NAPEPLD: variants seen among roughly 807,000 people sequenced by gnomAD.
NAPEPLD encodes the protein N-acyl phosphatidylethanolamine phospholipase D.
In NAPEPLD, 23 loss-of-function variants were observed where a neutral mutation model predicts 38.1. The ratio of observed to expected loss-of-function variants is 0.60; its 90% CI spans 0.43 to 0.86. The LOEUF is 0.86. Among genes scored for constraint, NAPEPLD ranks in the 40% least tolerant of loss-of-function variants. The pLI, the probability that NAPEPLD is intolerant of heterozygous loss-of-function variation, is 0.00. For missense variants in NAPEPLD, 411 were observed against 476.8 expected, an observed-to-expected ratio of 0.86 and a Z score of 1.28; for synonymous variants, 147 against 162.0, an observed-to-expected ratio of 0.91 and a Z score of 0.71.
At chr7:103,123,016 C>T (rs976405226) in intron 2 of NAPEPLD, among the ~76,000 whole-genome samples, 3 of 152,242 alleles carry the variant, frequency 2.0e-5, no homozygotes, top group African/African-American at 7.2e-5. Flanking sequence ...GCGTTTCATG[C>T]TCCTCTTCCA....
intron 3 of NAPEPLD, among the ~76,000 whole-genome samples, chr7:103,116,682 C>T (rs2129528294): frequency 6.6e-6 from 1 of 152,262 alleles, no homozygotes; most frequent in East Asian, 1.9e-4. Context: ...GAAGATCAGA[C>T]TAATGGGTAA....
chr7:103,123,094 G>A (rs1277923715), intron 2 of NAPEPLD, among the ~76,000 whole-genome samples: 2 of 152,076 alleles, frequency 1.3e-5, no homozygotes, highest in Non-Finnish European at 2.9e-5. Flanking sequence ...AACCCTGCAC[G>A]GTACTCATCC....
At chr7:103,130,916 C>T (rs1255754519) in intron 1 of NAPEPLD, among the ~76,000 whole-genome samples, 1 of 152,072 alleles carries the variant, frequency 6.6e-6, no homozygotes, top group Non-Finnish European at 1.5e-5. Context: ...AAAGTGGTCT[C>T]GGAGAGTAAG....
intron 1 of NAPEPLD, chr7:103,148,037 T>G: frequency 1.0e-6 from 1 of 983,360 alleles, no homozygotes; most frequent in African/African-American, 1.7e-5. Flanking sequence ...GGTAATCTTC[T>G]TTTTAAAGAT....
chr7:103,127,688 G>C (rs768351556), intron 2 of NAPEPLD: 4 of 152,066 alleles, frequency 2.6e-5, no homozygotes, highest in Non-Finnish European at 4.4e-5. Context: ...AGGAGGCAGG[G>C]AAATAATTGT....
intron 1 of NAPEPLD, among the ~76,000 whole-genome samples, chr7:103,145,747 C>G (rs1395032611): frequency 5.3e-5 from 8 of 152,140 alleles, no homozygotes. Flanking sequence ...GATGATGGAG[C>G]CTGGACTACG....
intron 1 of NAPEPLD, among the ~76,000 whole-genome samples, chr7:103,132,603 AAAT>A (rs1809171536): frequency 6.6e-6 from 1 of 151,694 alleles, no homozygotes; most frequent in African/African-American, 2.4e-5. Context: ...TTAGGGGTAA[AAAT>A]AAATAAATAA....
At position 103,133,086 on chromosome 7, in the gene NAPEPLD, C is replaced by T. The variant is rs1809306047; in HGVS notation, c.-16-4294G>A. ...GATACAAACAAAACGAAAAAACCTCCAAAGGGTTTTTTGAGGGCAAAGGTC... is the reference window on the plus strand; with the variant it reads ...GATACAAACAAAACGAAAAAACCTCTAAAGGGTTTTTTGAGGGCAAAGGTC... On this transcript the variant is annotated intron_variant, in intron 1 of 4. Transcript: ENST00000465647. 2.0e-5 allele frequency among the ~76,000 whole-genome samples: 3 copies of T among 152,088 alleles called. No individual in the cohort carries two copies. In the South Asian group the frequency reaches 6.2e-4, roughly 31 times the overall value.
At chr7:103,148,420 A>C (rs1182517259) in intron 1 of NAPEPLD, among the ~76,000 whole-genome samples, 1 of 148,068 alleles carries the variant, frequency 6.8e-6, no homozygotes, top group African/African-American at 2.5e-5. Flanking sequence ...CCCGGAACCC[A>C]TGGAAGAGTA....
intron 2 of NAPEPLD, among the ~76,000 whole-genome samples, chr7:103,126,579 G>A (rs1279591912): frequency 6.9e-6 from 1 of 145,404 alleles, no homozygotes; most frequent in Admixed American, 7.3e-5. Context: ...TCCTCCCAGG[G>A]GCCACCTCCT....
In NAPEPLD at chr7:103,100,121, G is replaced by A. The variant is rs1346895799; in HGVS notation, c.*3308C>T. The A allele has an allele frequency of 2.0e-5, 3 of 152,038 alleles. No homozygotes were observed. The highest frequency in any genetic ancestry group is 4.4e-5 in the Non-Finnish European group (3 of 68,012). The allele number at this position is 152,038 out of a possible 1,614,324, so 9.4% of individuals were successfully genotyped here. A position where few individuals can be genotyped will look rare whatever the true frequency, so the allele number is the denominator to read the frequency against. ...TTACCCTGATACAGAAATCAAACTT[G>A]GAAGAAATATTTTTACATTAGAAAA... On this transcript the variant is annotated 3_prime_UTR_variant, in exon 5 of 5. Transcript: ENST00000465647.
chr7:103,137,369 C>A (rs1810285563), intron 1 of NAPEPLD, among the ~76,000 whole-genome samples: 1 of 152,006 alleles, frequency 6.6e-6, no homozygotes, highest in Non-Finnish European at 1.5e-5. Context: ...AGAGGTTTTC[C>A]CCATATGTAA....
chr7:103,112,959 T>C (rs546693848), intron 4 of NAPEPLD, among the ~76,000 whole-genome samples: 1 of 152,308 alleles, frequency 6.6e-6, no homozygotes, highest in Non-Finnish European at 1.5e-5. Context: ...TCTTGAAGGC[T>C]GAATAACACA....
chr7:103,126,941 A>T (rs574517933), intron 2 of NAPEPLD: 83 of 152,124 alleles, frequency 5.5e-4, no homozygotes, highest in African/African-American at 2.0e-3. Context: ...TAATATTTTT[A>T]AAAAGATAAA....
chr7:103,119,901 T>A lies in NAPEPLD; in HGVS notation c.617A>T (p.Glu206Val). ...VIALNERFGN[E>V]LRWFVPLGLL... ...ACCCAAAGGCACAAACCATCTCAAC[T>A]CATTACCAAATCGCTCATTCAAAGC... Residue 206 changes from glutamate (E) to valine (V), a missense_variant, in exon 3 of 5, where the codon GAG (glutamate) becomes GTG (valine). Glu to Val is a moderately radical substitution (Grantham distance 121, BLOSUM62 -2). Coordinates refer to ENST00000465647, the MANE Select transcript of NAPEPLD (RefSeq NM_001122838.3). The A allele has an allele frequency of 6.2e-7, 1 of 1,614,180 alleles. No individual in the cohort carries two copies. Among genetic ancestry groups the A allele is most frequent in the South Asian group, 1.1e-5 (1 of 91,088 alleles).
intron 4 of NAPEPLD, among the ~76,000 whole-genome samples, chr7:103,111,390 T>C (rs540305902): frequency 1.8e-4 from 28 of 152,332 alleles, no homozygotes; most frequent in East Asian, 7.7e-4. Flanking sequence ...CAAAACAGCA[T>C]GGTACTGGTA....
At chr7:103,126,192 C>T (rs1807761662) in intron 2 of NAPEPLD, among the ~76,000 whole-genome samples, 1 of 152,014 alleles carries the variant, frequency 6.6e-6, no homozygotes, top group Non-Finnish European at 1.5e-5. Context: ...TATCTGTGGT[C>T]ATTAAAAACC....
At chr7:103,143,593 A>G (rs1811932137) in intron 1 of NAPEPLD, among the ~76,000 whole-genome samples, 1 of 152,146 alleles carries the variant, frequency 6.6e-6, no homozygotes, top group South Asian at 2.1e-4. Context: ...TTTGTCCTGC[A>G]TCTGGCTACC....
At chr7:103,140,331 A>G (rs1237004096) in intron 1 of NAPEPLD, among the ~76,000 whole-genome samples, 4 of 150,446 alleles carry the variant, frequency 2.7e-5, no homozygotes, top group Non-Finnish European at 5.9e-5. Context: ...AAACTCTGGA[A>G]TGTGTTTTTG....
Sources: gnomAD v4.1 joint callset for allele counts (sites outside exome capture counted in the v4.1 genomes callset) on GRCh38, gnomAD v4.1.1 for gene constraint, MANE v1.5 for transcripts, NCBI Gene and HGNC (gene_info 2026-07-23, HGNC 2026-07-21) for gene names.